The following ADAMTS2 variants were observed in gnomAD, a reference collection of about 807,000 sequenced individuals.
The protein encoded by ADAMTS2 is ADAM metallopeptidase with thrombospondin type 1 motif 2, also known as A disintegrin and metalloproteinase with thrombospondin motifs 2.
Under a neutral mutation model 123.0 loss-of-function variants are expected in ADAMTS2, and 50 were observed. The observed-to-expected ratio is 0.41, with a 90% CI of 0.32 to 0.51. The LOEUF (loss-of-function observed/expected upper bound fraction) is 0.51, where lower values mean the gene tolerates loss of function less well. Ranked by LOEUF, ADAMTS2 falls within the 20% of genes least tolerant of loss-of-function variation. The pLI, the probability that ADAMTS2 is intolerant of heterozygous loss-of-function variation, is 0.35. For missense variants in ADAMTS2, 1,494 were observed against 1,705.2 expected, an observed-to-expected ratio of 0.88 and a Z score of 2.18; for synonymous variants, 678 against 695.4, an observed-to-expected ratio of 0.98 and a Z score of 0.39.
chr5:179,147,761 C>A lies in ADAMTS2; in HGVS notation c.1629+4381G>T, dbSNP rs73806915. On this transcript the variant is annotated intron_variant, in intron 10 of 21. Coordinates refer to ENST00000251582, the MANE Select transcript of ADAMTS2 (RefSeq NM_014244.5). ...GCCCTCAATCCATTTTCTCTGTAGCCAAAGCAGCAAAATGCCCAAGGCCAT... is the reference window on the plus strand; with the variant it reads ...GCCCTCAATCCATTTTCTCTGTAGCAAAAGCAGCAAAATGCCCAAGGCCAT... Among the ~76,000 whole-genome samples the A allele has an allele frequency of 6.6e-4, 101 of 152,258 alleles. 1 individual carries two copies. Among genetic ancestry groups the A allele is most frequent in the African/African-American group, 2.4e-3 (98 of 41,544 alleles).
intron 2 of ADAMTS2, among the ~76,000 whole-genome samples, chr5:179,290,185 G>T (rs771014092): frequency 4.6e-5 from 7 of 152,196 alleles, no homozygotes; most frequent in Non-Finnish European, 1.5e-5. Flanking sequence ...CTCGTGAGTG[G>T]CTTGATACTG....
At chr5:179,195,206 C>A (rs759981456) in intron 4 of ADAMTS2, among the ~76,000 whole-genome samples, 18 of 152,230 alleles carry the variant, frequency 1.2e-4, no homozygotes, top group Non-Finnish European at 2.1e-4. Context: ...GAGTGCCGAA[C>A]ATGACTGAGG....
intron 2 of ADAMTS2, among the ~76,000 whole-genome samples, chr5:179,338,189 C>T (rs746246709): frequency 1.3e-5 from 2 of 152,152 alleles, no homozygotes; most frequent in South Asian, 2.1e-4. Context: ...CTGACTATGC[C>T]GGCCTTCATG....
chr5:179,137,987 A>G (rs759541777), intron 11 of ADAMTS2, 43 bp from the exon 12 acceptor site: 2 of 1,537,316 alleles, frequency 1.3e-6, no homozygotes, highest in Non-Finnish European at 1.7e-6. Context: ...TGCCATTGGA[A>G]AGAGGCAGCA....
chr5:179,137,733 G>C, intron 12 of ADAMTS2, 36 bp downstream of exon 12: 2 of 1,529,930 alleles, frequency 1.3e-6, no homozygotes, highest in Non-Finnish European at 1.8e-6. Context: ...GGGCCTGCCT[G>C]CTGAGCCCCC....
intron 2 of ADAMTS2, among the ~76,000 whole-genome samples, chr5:179,319,800 C>T (rs181330974): frequency 6.6e-6 from 1 of 152,248 alleles, no homozygotes; most frequent in Admixed American, 6.5e-5. Flanking sequence ...CTGGACTCAG[C>T]CTTCACCAGC....
chr5:179,276,128 G>A (rs939019806), intron 2 of ADAMTS2, among the ~76,000 whole-genome samples: 7 of 152,160 alleles, frequency 4.6e-5, no homozygotes, highest in African/African-American at 1.4e-4. Context: ...CAGGCCTGGC[G>A]AAGACTCAGC....
Position 179,285,882 on chromosome 5 carries a change from G to A in ADAMTS2, c.535-12818C>T, listed in dbSNP as rs1756005580. ...TGTGGCCTTGAGACGTGTGGTGGAG[G>A]AGAGCTCATGGAATAAGGTCCAACT... On this transcript the variant is annotated intron_variant, in intron 2 of 21. Coordinates refer to ENST00000251582, the MANE Select transcript of ADAMTS2 (RefSeq NM_014244.5). This position sits in a 1 kb window ranked among gnomAD's most constrained non-coding sequence, Gnocchi z 4.9. 6.6e-6 allele frequency among the ~76,000 whole-genome samples: 1 copy of A among 152,140 alleles called. No homozygotes were observed. Among genetic ancestry groups the A allele is most frequent in the Non-Finnish European group, 1.5e-5 (1 of 68,020 alleles).
intron 3 of ADAMTS2, among the ~76,000 whole-genome samples, chr5:179,268,028 C>A (rs756342566): frequency 2.6e-5 from 4 of 152,218 alleles, no homozygotes; most frequent in Non-Finnish European, 2.9e-5. Flanking sequence ...ATTCCTGGAG[C>A]CTTCTCAGTT....
chr5:179,292,128 A>G (rs1756206312), intron 2 of ADAMTS2, among the ~76,000 whole-genome samples: 2 of 152,080 alleles, frequency 1.3e-5, no homozygotes, highest in Non-Finnish European at 2.9e-5. Flanking sequence ...ATTGGTGGTC[A>G]TCATTAATGA....
At chr5:179,290,890 G>C (rs932758813) in intron 2 of ADAMTS2, among the ~76,000 whole-genome samples, 10 of 152,208 alleles carry the variant, frequency 6.6e-5, no homozygotes, top group African/African-American at 2.4e-4. Flanking sequence ...AGGGAGAACC[G>C]TGTAGCCGGA....
chr5:179,124,958 C>G lies in ADAMTS2; in HGVS notation c.2958+15G>C. 1.3e-6 allele frequency: 2 copies of G among 1,598,918 alleles called. No homozygotes were observed. Among genetic ancestry groups the G allele is most frequent in the Non-Finnish European group, 1.7e-6 (2 of 1,176,280 alleles). On this transcript the variant is annotated intron_variant, in intron 19 of 21. Coordinates refer to ENST00000251582, the MANE Select transcript of ADAMTS2 (RefSeq NM_014244.5). The stretch of plus-strand genomic sequence containing the variant: ...AGTTTTGGAGCTGAGGACACGGGAT[C>G]GGGGGATTGCGTACCTGGGACCAGG...
chr5:179,140,823 CAG>C (rs1298040732), intron 10 of ADAMTS2, among the ~76,000 whole-genome samples: 28 of 24,308 alleles, frequency 1.2e-3, no homozygotes, highest in African/African-American at 3.9e-3. Context: ...TTTTTTGAGA[CAG>C]AGTCTCACTC....
intron 2 of ADAMTS2, among the ~76,000 whole-genome samples, chr5:179,302,818 C>T (rs1485762524): frequency 2.0e-5 from 3 of 151,884 alleles, no homozygotes; most frequent in Non-Finnish European, 2.9e-5. Context: ...GGGAAGTGGG[C>T]TCCAGCACAG....
At chr5:179,331,260 G>A (rs145990953) in intron 2 of ADAMTS2, among the ~76,000 whole-genome samples, 2,079 of 147,472 alleles carry the variant, frequency 0.014, 42 homozygotes, top group African/African-American at 0.05. Context: ...AAGGGGCAGG[G>A]AGGGGAGAGG....
chr5:179,121,200 G>C (rs1024838650), intron 21 of ADAMTS2: 3 of 152,750 alleles, frequency 2.0e-5, no homozygotes, highest in Admixed American at 6.5e-5. Context: ...GGCGGAAGCG[G>C]GCCATAGTTC....
intron 19 of ADAMTS2, 136 bp from the exon 20 acceptor site, chr5:179,122,909 T>C (rs1037115815): frequency 5.7e-6 from 8 of 1,402,846 alleles, no homozygotes; most frequent in Middle Eastern, 2.1e-4. Flanking sequence ...GAGAGTGGGG[T>C]TTCAGGTTGC....
chr5:179,263,771 A>G (rs1766292147), intron 3 of ADAMTS2, among the ~76,000 whole-genome samples: 1 of 152,244 alleles, frequency 6.6e-6, no homozygotes, highest in South Asian at 2.1e-4. Flanking sequence ...AGAAAAATGA[A>G]GCCAGAGAGC....
intron 5 of ADAMTS2, among the ~76,000 whole-genome samples, chr5:179,159,678 G>C (rs1763559630): frequency 6.6e-6 from 1 of 152,122 alleles, no homozygotes. Flanking sequence ...ACATCAGCAG[G>C]CACTCCCATT....
Sources: allele counts gnomAD v4.1 joint callset (sites outside exome capture counted in the v4.1 genomes callset), GRCh38; gene constraint gnomAD v4.1.1; non-coding constraint Gnocchi (gnomAD v3.1); transcripts MANE v1.5; gene names NCBI Gene and HGNC (gene_info 2026-07-23, HGNC 2026-07-21).